The following ZBTB17 variants were observed in gnomAD, a reference collection of about 807,000 sequenced individuals.
ZBTB17 encodes zinc finger and BTB domain containing 17, also known as zinc finger and BTB domain-containing protein 17.
A neutral mutation model predicts 85.1 loss-of-function variants in ZBTB17; 24 were observed. The observed-to-expected ratio is 0.28, with a 90% CI of 0.20 to 0.40. The LOEUF (loss-of-function observed/expected upper bound fraction) is 0.40, where lower values mean the gene tolerates loss of function less well. ZBTB17 is among the 10% of genes least tolerant of loss of function. The pLI, the probability that ZBTB17 is intolerant of heterozygous loss-of-function variation, is 1.00. For missense variants in ZBTB17, 743 were observed against 1,105.1 expected, an observed-to-expected ratio of 0.67 and a Z score of 4.65; for synonymous variants, 464 against 460.2, an observed-to-expected ratio of 1.01 and a Z score of -0.11.
Position 15,942,423 on chromosome 1 carries a change from G to A in ZBTB17, c.2039-3C>T, listed in dbSNP as rs1557768916. ...CACTGCAGCTCCCACCGGCACCACT[G>A]CGGGCAGAGTCGCAGGGCCTAAGGT... On this transcript the variant is annotated splice_polypyrimidine_tract_variant and splice_region_variant and intron_variant, in intron 14 of 15. Transcript: ENST00000375743. The A allele has an allele frequency of 6.2e-7, 1 of 1,613,274 alleles. No individual in the cohort carries two copies. The highest frequency in any genetic ancestry group is 2.2e-5 in the East Asian group (1 of 44,884).
At chr1:15,970,705 C>T (rs1233444235) in intron 2 of ZBTB17, among the ~76,000 whole-genome samples, 6 of 152,186 alleles carry the variant, frequency 3.9e-5, no homozygotes, top group Non-Finnish European at 5.9e-5. Context: ...CCTGCCACTG[C>T]GCCCAGCTAA....
In ZBTB17 at chr1:15,969,834, G is replaced by A. The variant is rs75233252; in HGVS notation, c.-3+3205C>T. 1,911 of 558,046 alleles carry A rather than the reference G, an allele frequency of 3.4e-3. 31 individuals are homozygous for A. The highest frequency in any genetic ancestry group is 0.032 in the African/African-American group (1,736 of 53,568). The allele number at this position is 558,046 out of a possible 1,614,324, so 34.6% of individuals were successfully genotyped here. ...TTCCCCTGGAGTGGGTCACCATGCT[G>A]TTTTTTATCATCATGGGAATCATTT... On this transcript the variant is annotated intron_variant, in intron 2 of 15. Coordinates refer to ENST00000375743, the MANE Select transcript of ZBTB17 (RefSeq NM_003443.3).
intron 9 of ZBTB17, 101 bp from the exon 10 acceptor site, chr1:15,943,996 C>T (rs1314947456): frequency 8.0e-7 from 1 of 1,254,818 alleles, no homozygotes; most frequent in East Asian, 2.5e-5. Context: ...TCAGGCTTGC[C>T]AGGGTCCGTG....
At chr1:15,965,070 C>T (rs867004624) in intron 2 of ZBTB17, among the ~76,000 whole-genome samples, 14 of 150,626 alleles carry the variant, frequency 9.3e-5, no homozygotes, top group African/African-American at 2.7e-4. Context: ...GCTGAGATCG[C>T]GCCACTGCAC....
At chr1:15,970,122 C>A (rs1481678527) in intron 2 of ZBTB17, 7 of 626,794 alleles carry the variant, frequency 1.1e-5, no homozygotes, top group Non-Finnish European at 1.8e-5. Flanking sequence ...GTAGTTGGGT[C>A]ATCATATGTA....
At chr1:15,957,865 G>A (rs565804440) in intron 2 of ZBTB17, among the ~76,000 whole-genome samples, 5 of 152,310 alleles carry the variant, frequency 3.3e-5, no homozygotes, top group African/African-American at 9.6e-5. Context: ...TGGCGGTGCC[G>A]CTTCCTGAGA....
intron 2 of ZBTB17, among the ~76,000 whole-genome samples, chr1:15,950,366 G>A (rs2071788755): frequency 6.6e-6 from 1 of 152,238 alleles, no homozygotes; most frequent in African/African-American, 2.4e-5. Flanking sequence ...GGGCAAGGTG[G>A]GTGCAGAAGG....
chr1:15,974,900 ATC>A (rs1249086761), intron 1 of ZBTB17, among the ~76,000 whole-genome samples: 1 of 152,042 alleles, frequency 6.6e-6, no homozygotes, highest in Admixed American at 6.6e-5. Context: ...ATTTAGCCTG[ATC>A]TCTCTCTCCT....
chr1:15,960,678 T>A (rs930896575), intron 2 of ZBTB17, among the ~76,000 whole-genome samples: 1 of 152,214 alleles, frequency 6.6e-6, no homozygotes, highest in Non-Finnish European at 1.5e-5. Context: ...AAAGAGGCTC[T>A]CACTGAGGAA....
At chr1:15,948,186 G>A (rs2071692459) in intron 3 of ZBTB17, 105 bp downstream of exon 3, 1 of 1,370,230 alleles carries the variant, frequency 7.3e-7, no homozygotes, top group Non-Finnish European at 1.0e-6. Context: ...GAGGCCTGTT[G>A]CATCCCACAG....
intron 13 of ZBTB17, 81 bp from the exon 14 acceptor site, chr1:15,942,819 C>T: frequency 6.6e-7 from 1 of 1,522,464 alleles, no homozygotes; most frequent in Non-Finnish European, 8.9e-7. Flanking sequence ...ACTCGTTTGC[C>T]CAGCAACCCT....
rs1435119819 is a variant in ZBTB17 at position 15,975,983 on chromosome 1, C to G, written c.-90G>C. ...GCCCCGGGCGATTGTTGACACTCAC[C>G]TGCCATGTCCCGGACCCCACCGCAG... On this transcript the variant is annotated splice_region_variant and 5_prime_UTR_variant, in exon 1 of 16. Coordinates refer to ENST00000375743, the MANE Select transcript of ZBTB17 (RefSeq NM_003443.3). 2.9e-6 allele frequency: 2 copies of G among 700,002 alleles called. No homozygotes were observed. The highest frequency in any genetic ancestry group is 5.2e-6 in the Non-Finnish European group (2 of 383,660). 43.4% of individuals were successfully genotyped at this position (700,002 alleles called of 1,614,324 possible). A position where few individuals can be genotyped will look rare whatever the true frequency, so the allele number is the denominator to read the frequency against.
intron 9 of ZBTB17, 144 bp downstream of exon 9, chr1:15,944,156 T>C: frequency 2.3e-6 from 3 of 1,281,892 alleles, no homozygotes; most frequent in Non-Finnish European, 3.3e-6. Flanking sequence ...GAAGTGGCTC[T>C]CGCTGCGCCT....
intron 2 of ZBTB17, among the ~76,000 whole-genome samples, chr1:15,965,324 G>T (rs1372576305): frequency 6.6e-6 from 1 of 152,010 alleles, no homozygotes; most frequent in Non-Finnish European, 1.5e-5. Flanking sequence ...TTGTTTCCGA[G>T]AAGATGAAAT....
rs927069477 is a variant in ZBTB17, at chr1:15,951,536, C to G, written c.-2-3039G>C. Among the ~76,000 whole-genome samples the G allele has an allele frequency of 6.6e-6, 1 of 152,170 alleles. No individual in the cohort carries two copies. Among genetic ancestry groups the G allele is most frequent in the African/African-American group, 2.4e-5 (1 of 41,446 alleles). On this transcript the variant is annotated intron_variant, in intron 2 of 15. Coordinates refer to ENST00000375743, the MANE Select transcript of ZBTB17 (RefSeq NM_003443.3). The surrounding 1 kb of genome is among the most constrained non-coding windows in gnomAD (Gnocchi z 4.1). Reference sequence around the variant, plus strand: ...CCCCACCCTCACAGGGCAAGTGGAGCTCAGGGTCCCCCAGGCTGTTCCCCA... The same window carrying G: ...CCCCACCCTCACAGGGCAAGTGGAGGTCAGGGTCCCCCAGGCTGTTCCCCA...
In ZBTB17 at chr1:15,953,304, C is replaced by T. The variant is rs2071929942; in HGVS notation, c.-2-4807G>A. On this transcript the variant is annotated intron_variant, in intron 2 of 15. Coordinates refer to ENST00000375743, the MANE Select transcript of ZBTB17 (RefSeq NM_003443.3). The surrounding 1 kb of genome is among the most constrained non-coding windows in gnomAD (Gnocchi z 5.1). ...CTGGGATTACAGGCGTGTGCTACTG[C>T]ACCCAGCCATTTTTCAAAAATTTTA... Among the ~76,000 whole-genome samples the T allele has an allele frequency of 6.6e-6, 1 of 152,112 alleles. No homozygotes were observed. Among genetic ancestry groups the T allele is most frequent in the African/African-American group, 2.4e-5 (1 of 41,400 alleles).
chr1:15,951,313 A>AAGGAAGGGAGAGAGGG lies in ZBTB17; in HGVS notation c.-2-2832_-2-2817dup, dbSNP rs200582739. Among the ~76,000 whole-genome samples the AAGGAAGGGAGAGAGGG allele has an allele frequency of 0.096, 14,124 of 147,244 alleles. 919 individuals are homozygous for AAGGAAGGGAGAGAGGG. The highest frequency in any genetic ancestry group is 0.17 in the African/African-American group (6,857 of 39,434). On this transcript the variant is annotated intron_variant, in intron 2 of 15. Coordinates refer to ENST00000375743, the MANE Select transcript of ZBTB17 (RefSeq NM_003443.3). The surrounding 1 kb of genome is among the most constrained non-coding windows in gnomAD (Gnocchi z 4.1). ...AGGAAAGGAGAGAGAAGAAGGAAGGAAGGAAGGGAGAGAGGGAGGGAGGGA... is the reference window on the plus strand; with the variant it reads ...AGGAAAGGAGAGAGAAGAAGGAAGGAAGGAAGGGAGAGAGGGAGGAAGGGAGAGAGGGAGGGAGGGA...
In ZBTB17 at chr1:15,966,994, A is replaced by G. The variant is rs996318159; in HGVS notation, c.-3+6045T>C. Among the ~76,000 whole-genome samples, 3 of 151,942 alleles carry G rather than the reference A, an allele frequency of 2.0e-5. No homozygotes were observed. The highest frequency in any genetic ancestry group is 7.2e-5 in the African/African-American group (3 of 41,394). ...GAAGTAGATTATGATCTCCAGGACAATATGTTTTGTACATAAAATGTATTT... is the reference window on the plus strand; with the variant it reads ...GAAGTAGATTATGATCTCCAGGACAGTATGTTTTGTACATAAAATGTATTT... On this transcript the variant is annotated intron_variant, in intron 2 of 15. Transcript: ENST00000375743. The surrounding 1 kb of genome is among the most constrained non-coding windows in gnomAD (Gnocchi z 4.1).
chr1:15,949,861 G>A (rs1419308695), intron 2 of ZBTB17, among the ~76,000 whole-genome samples: 3 of 152,194 alleles, frequency 2.0e-5, no homozygotes, highest in Admixed American at 6.5e-5. Context: ...ACAAGTGGGG[G>A]TATCTGCTGA....
Sources: gnomAD v4.1 joint callset for allele counts (sites outside exome capture counted in the v4.1 genomes callset) on GRCh38, gnomAD v4.1.1 for gene constraint, Gnocchi (gnomAD v3.1) non-coding constraint, MANE v1.5 for transcripts, NCBI Gene and HGNC (gene_info 2026-07-23, HGNC 2026-07-21) for gene names.